TSHZ2: variants seen among roughly 807,000 people sequenced by gnomAD.
TSHZ2 encodes teashirt zinc finger homeobox 2, also known as teashirt homolog 2.
A neutral mutation model predicts 74.4 loss-of-function variants in TSHZ2; 21 were observed. That is an observed-to-expected ratio of 0.28 (90% confidence interval 0.20 to 0.41). TSHZ2 has a LOEUF of 0.41. Ranked by LOEUF, TSHZ2 falls within the 10% of genes least tolerant of loss-of-function variation. The pLI, the probability that TSHZ2 is intolerant of heterozygous loss-of-function variation, is 1.00. For synonymous variants in TSHZ2, 540 were observed against 515.3 expected, an observed-to-expected ratio of 1.05 and a Z score of -0.65; for missense variants, 1,244 against 1,293.5, an observed-to-expected ratio of 0.96 and a Z score of 0.59.
intron 1 of TSHZ2, among the ~76,000 whole-genome samples, chr20:53,153,495 A>T (rs1987722889): frequency 6.6e-6 from 1 of 152,166 alleles, no homozygotes; most frequent in African/African-American, 2.4e-5. Flanking sequence ...ACAAAAAGGA[A>T]ATTCCTTGCA....
chr20:53,298,360 A>G (rs563808337), intron 2 of TSHZ2, among the ~76,000 whole-genome samples: 1 of 152,360 alleles, frequency 6.6e-6, no homozygotes, highest in African/African-American at 2.4e-5. Flanking sequence ...GGGTCTGAGA[A>G]CAGTGAGAGA....
chr20:53,258,385 G>A (rs886515800), intron 2 of TSHZ2, among the ~76,000 whole-genome samples: 1 of 152,126 alleles, frequency 6.6e-6, no homozygotes, highest in Admixed American at 6.5e-5. Context: ...GGGGCATACA[G>A]AGAATACTTA....
intron 1 of TSHZ2, among the ~76,000 whole-genome samples, chr20:53,243,873 C>T (rs2123700083): frequency 6.6e-6 from 1 of 151,404 alleles, no homozygotes; most frequent in Middle Eastern, 3.4e-3. Context: ...TGGTCACAGC[C>T]ATGAACTTAG....
intron 1 of TSHZ2, among the ~76,000 whole-genome samples, chr20:53,211,063 T>A (rs895441741): frequency 1.3e-5 from 2 of 152,180 alleles, no homozygotes; most frequent in African/African-American, 4.8e-5. Flanking sequence ...CAGCAGCAGT[T>A]GTATTAGTAG....
chr20:53,271,502 C>T (rs1990837921), intron 2 of TSHZ2, among the ~76,000 whole-genome samples: 1 of 152,212 alleles, frequency 6.6e-6, no homozygotes, highest in African/African-American at 2.4e-5. Context: ...TCTAACAGCC[C>T]TGCCCTCAGA....
chr20:53,042,795 T>C (rs1984091161), intron 1 of TSHZ2, among the ~76,000 whole-genome samples: 1 of 151,640 alleles, frequency 6.6e-6, no homozygotes, highest in African/African-American at 2.4e-5. Context: ...TTTGCGGAAA[T>C]CTATCATTGT....
In TSHZ2 at chr20:53,098,332, A is replaced by T. The variant is rs1169346547; in HGVS notation, c.40+124999A>T. ...CTATGTCTGGGGTAGTAAATTAGAT[A>T]ATCTTTGTAAAACATTTAGCACAAA... On this transcript the variant is annotated intron_variant, in intron 1 of 2. Transcript: ENST00000371497. 2.0e-5 allele frequency among the ~76,000 whole-genome samples: 3 copies of T among 152,228 alleles called. No individual in the cohort carries two copies. In the South Asian group the frequency reaches 6.2e-4, roughly 31 times the overall value.
At chr20:53,332,463 G>A (rs12625152) in intron 2 of TSHZ2, among the ~76,000 whole-genome samples, 1 of 152,178 alleles carries the variant, frequency 6.6e-6, no homozygotes, top group Non-Finnish European at 1.5e-5. Flanking sequence ...GATCACACGA[G>A]GCCCTGTGGC....
At chr20:53,311,599 G>A (rs749520827) in intron 2 of TSHZ2, among the ~76,000 whole-genome samples, 13 of 152,194 alleles carry the variant, frequency 8.5e-5, no homozygotes, top group Non-Finnish European at 4.4e-5. Flanking sequence ...ATCTTGATCA[G>A]ACACTCAGAC....
chr20:53,422,352 T>G (rs1428589932), intron 2 of TSHZ2, among the ~76,000 whole-genome samples: 1 of 152,140 alleles, frequency 6.6e-6, no homozygotes, highest in Non-Finnish European at 1.5e-5. Context: ...ACTTGTGAGA[T>G]TTCAGCTGTT....
At chr20:53,096,620 C>T (rs1385990674) in intron 1 of TSHZ2, among the ~76,000 whole-genome samples, 1 of 151,984 alleles carries the variant, frequency 6.6e-6, no homozygotes, top group Non-Finnish European at 1.5e-5. Flanking sequence ...CGGTGGCTCA[C>T]TCCTGTAATC....
chr20:53,355,103 A>G (rs770311829), intron 2 of TSHZ2, among the ~76,000 whole-genome samples: 8 of 152,248 alleles, frequency 5.3e-5, no homozygotes, highest in Admixed American at 1.3e-4. Flanking sequence ...TGAGGATACA[A>G]TAATGATCAA....
At chr20:53,241,462 C>T (rs1029189305) in intron 1 of TSHZ2, among the ~76,000 whole-genome samples, 3 of 151,966 alleles carry the variant, frequency 2.0e-5, no homozygotes, top group Non-Finnish European at 2.9e-5. Context: ...CTTTTTTATT[C>T]GTTTGTTTCT....
chr20:53,166,163 C>T (rs139939794), intron 1 of TSHZ2, among the ~76,000 whole-genome samples: 268 of 152,280 alleles, frequency 1.8e-3, no homozygotes, highest in African/African-American at 5.9e-3. Flanking sequence ...TAGATTTCCC[C>T]ATCCTTGGTT....
chr20:53,291,178 A>T (rs1046977193), intron 2 of TSHZ2, among the ~76,000 whole-genome samples: 1 of 152,154 alleles, frequency 6.6e-6, no homozygotes, highest in Admixed American at 6.5e-5. Context: ...CTGGTCAAAA[A>T]TATCAAGAGC....
At position 53,255,186 on chromosome 20, in the gene TSHZ2, G is replaced by A; in HGVS notation, c.1728G>A (p.Arg576=). The part of the protein sequence containing the change: ...QIRPNLTNKL[R]PIAPKWKVMP... ...GGCCTAATCTCACCAACAAGCTGAG[G>A]CCCATTGCACCAAAGTGGAAAGTGA... The change falls in exon 2 of 3, where the codon AGG becomes AGA. Residue 576 remains arginine (R), a synonymous_variant. Coordinates refer to ENST00000371497, the MANE Select transcript of TSHZ2 (RefSeq NM_173485.6). The surrounding 1 kb of genome is among the most constrained non-coding windows in gnomAD (Gnocchi z 4.1). The A allele has an allele frequency of 6.2e-7, 1 of 1,614,130 alleles. No homozygotes were observed. Among genetic ancestry groups the A allele is most frequent in the South Asian group, 1.1e-5 (1 of 91,082 alleles).
At chr20:53,144,088 G>A (rs1215635417) in intron 1 of TSHZ2, among the ~76,000 whole-genome samples, 3 of 152,198 alleles carry the variant, frequency 2.0e-5, no homozygotes, top group African/African-American at 7.2e-5. Context: ...ATCCATCTGG[G>A]TGGTACCAGC....
chr20:53,005,418 G>A (rs2752915), intron 1 of TSHZ2, among the ~76,000 whole-genome samples: 2,570 of 151,456 alleles, frequency 0.017, 44 homozygotes, highest in Non-Finnish European at 0.028. Flanking sequence ...CCTGCCATCT[G>A]AACTCTTCCT....
In TSHZ2 at chr20:53,255,903, G is replaced by C; in HGVS notation, c.2445G>C (p.Arg815Ser). ...ATTPKPASSSRVPPMKLEMDV... is the reference protein window; with the variant it reads ...ATTPKPASSSSVPPMKLEMDV... ...CCCCAAAGCCAGCCTCCTCCTCCAG[G>C]GTCCCCCCCATGAAGCTGGAAATGG... The change falls in exon 2 of 3, where the codon AGG becomes AGC. Residue 815 changes from arginine to serine, a missense_variant. This residue lies in a region of TSHZ2 where 562 missense variants were observed against 544.0 expected (regional missense o/e 1.03). Coordinates refer to ENST00000371497, the MANE Select transcript of TSHZ2 (RefSeq NM_173485.6). This position sits in a 1 kb window ranked among gnomAD's most constrained non-coding sequence, Gnocchi z 4.1. 1 of 1,613,980 alleles carries C rather than the reference G, an allele frequency of 6.2e-7. No individual in the cohort carries two copies. Among genetic ancestry groups the C allele is most frequent in the Non-Finnish European group, 8.5e-7 (1 of 1,179,952 alleles).
Sources: allele counts gnomAD v4.1 joint callset (sites outside exome capture counted in the v4.1 genomes callset), GRCh38; gene constraint gnomAD v4.1.1; regional missense constraint gnomAD v4.1.1; non-coding constraint Gnocchi (gnomAD v3.1); transcripts MANE v1.5; gene names NCBI Gene and HGNC (gene_info 2026-07-23, HGNC 2026-07-21).